Variants in ASPDH observed in about 807,000 individuals in gnomAD.
ASPDH encodes the protein aspartate dehydrogenase domain-containing protein.
In ASPDH, 25 loss-of-function variants were observed where a neutral mutation model predicts 30.5. That is an observed-to-expected ratio of 0.82 (90% CI 0.60 to 1.14). The LOEUF is 1.14. ASPDH is among the 50% of genes most tolerant of loss of function. ASPDH has a pLI of 0.00. For missense variants in ASPDH, 401 were observed against 381.5 expected (o/e 1.05, Z -0.43); for synonymous variants, 168 against 156.3 (o/e 1.07, Z -0.56).
rs562578195 is a variant in ASPDH, at chr19:50,513,215, A to G, written c.197+57T>C. 3 of 1,418,926 alleles carry G rather than the reference A, an allele frequency of 2.1e-6. No individual in the cohort carries two copies. Among genetic ancestry groups the G allele is most frequent in the Non-Finnish European group, 2.8e-6 (3 of 1,072,636 alleles). The allele number at this position is 1,418,926 out of a possible 1,614,324, so 87.9% of individuals were successfully genotyped here. On this transcript the variant is annotated intron_variant, in intron 2 of 6. Coordinates refer to ENST00000389208, the MANE Select transcript of ASPDH (RefSeq NM_001114598.2). The surrounding 1 kb of genome is among the most constrained non-coding windows in gnomAD (Gnocchi z 4.9). Reference sequence around the variant, plus strand: ...AACCCCTGAGATCACACAGTGGCTAAGAGAGCCAGGACAGGAGCTTCAGGG... The same window carrying G: ...AACCCCTGAGATCACACAGTGGCTAGGAGAGCCAGGACAGGAGCTTCAGGG...
At chr19:50,514,842 TGAC>T, upstream of ASPDH, 2 of 985,172 alleles carry the variant, frequency 2.0e-6, no homozygotes, top group Non-Finnish European at 2.4e-6. Flanking sequence ...AGCCCCAAGT[TGAC>T]GGGAGGAGAG....
Position 50,513,094 on chromosome 19 carries a change from G to A in ASPDH, c.198-83C>T. ...AAGGTTCCCTCCGAGTCTACTGAGG[G>A]CTGCCCTTCTTCTCCCTGACCTGGG... On this transcript the variant is annotated intron_variant, in intron 2 of 6. Transcript: ENST00000389208. The surrounding 1 kb of genome is among the most constrained non-coding windows in gnomAD (Gnocchi z 4.9). The A allele has an allele frequency of 7.5e-7, 1 of 1,341,648 alleles. No homozygotes were observed. Among genetic ancestry groups the A allele is most frequent in the Non-Finnish European group, 1.0e-6 (1 of 970,364 alleles). 83.1% of individuals were successfully genotyped at this position (1,341,648 alleles called of 1,614,324 possible). A position where few individuals can be genotyped will look rare whatever the true frequency, so the allele number is the denominator to read the frequency against.
rs1979993055 is a variant in ASPDH at position 50,512,437 on chromosome 19, G to A, written c.576C>T (p.Asn192=). The change falls in exon 5 of 7, where the codon AAC becomes AAT. Residue 192 remains asparagine (N), a synonymous_variant. Coordinates refer to ENST00000389208, the MANE Select transcript of ASPDH (RefSeq NM_001114598.2). ...GLCPFAPRNS[N]TMAAAALAAP... Reference sequence around the variant, plus strand: ...CAGCCAGGGCAGCCGCCGCCATGGTGTTGGAATTTCGCGGGGCAAAGGGGC... The same window carrying A: ...CAGCCAGGGCAGCCGCCGCCATGGTATTGGAATTTCGCGGGGCAAAGGGGC... 6.2e-7 allele frequency: 1 copy of A among 1,611,934 alleles called. No homozygotes were observed. The highest frequency in any genetic ancestry group is 2.2e-5 in the East Asian group (1 of 44,872).
rs1365224174 is a variant in ASPDH, at chr19:50,513,248, C to G, written c.197+24G>C. On this transcript the variant is annotated intron_variant, in intron 2 of 6. Coordinates refer to ENST00000389208, the MANE Select transcript of ASPDH (RefSeq NM_001114598.2). The surrounding 1 kb of genome is among the most constrained non-coding windows in gnomAD (Gnocchi z 4.9). Reference sequence around the variant, plus strand: ...AGGACAGGAGCTTCAGGGAGCTCCACTCTCCCATGGCAAGGTCACTGACCT... The same window carrying G: ...AGGACAGGAGCTTCAGGGAGCTCCAGTCTCCCATGGCAAGGTCACTGACCT... 3 of 1,448,334 alleles carry G rather than the reference C, an allele frequency of 2.1e-6. No individual in the cohort carries two copies. The highest frequency in any genetic ancestry group is 2.7e-6 in the Non-Finnish European group (3 of 1,096,520). 89.7% of individuals were successfully genotyped at this position (1,448,334 alleles called of 1,614,324 possible).
Position 50,512,760 on chromosome 19 carries a change from C to G in ASPDH, c.333G>C (p.Leu111Phe). The change falls in exon 4 of 7, where the codon TTG (leucine) becomes TTC (phenylalanine). Residue 111 changes from leucine to phenylalanine, a missense_variant. Physicochemically the swap from Leu to Phe is conservative, Grantham distance 22. Coordinates refer to ENST00000389208, the MANE Select transcript of ASPDH (RefSeq NM_001114598.2). ...CGTGGTCCCAGTGCTGTGAGGCCTC[C>G]AAGAGCTGCCGCTCTGTGGTCTGGT... Reference protein sequence around the residue: ...LSDQTTERQLLEASQHWDHAV... With the variant: ...LSDQTTERQLFEASQHWDHAV... 6.4e-7 allele frequency: 1 copy of G among 1,564,520 alleles called. No individual in the cohort carries two copies. Among genetic ancestry groups the G allele is most frequent in the Non-Finnish European group, 8.7e-7 (1 of 1,154,188 alleles).
Position 50,513,087 on chromosome 19 carries a change from A to C in ASPDH, c.198-76T>G, listed in dbSNP as rs1270574934. ...TCTCCCCAAGGTTCCCTCCGAGTCTACTGAGGGCTGCCCTTCTTCTCCCTG... is the reference window on the plus strand; with the variant it reads ...TCTCCCCAAGGTTCCCTCCGAGTCTCCTGAGGGCTGCCCTTCTTCTCCCTG... On this transcript the variant is annotated intron_variant, in intron 2 of 6. Transcript: ENST00000389208. This position sits in a 1 kb window ranked among gnomAD's most constrained non-coding sequence, Gnocchi z 4.9. 1 of 1,350,758 alleles carries C rather than the reference A, an allele frequency of 7.4e-7. No homozygotes were observed. The highest frequency in any genetic ancestry group is 2.1e-5 in the Admixed American group (1 of 47,504). 83.7% of individuals were successfully genotyped at this position (1,350,758 alleles called of 1,614,324 possible).
At chr19:50,512,068 G>A in intron 6 of ASPDH, 68 bp downstream of exon 6, 2 of 1,352,952 alleles carry the variant, frequency 1.5e-6, no homozygotes, top group Non-Finnish European at 2.0e-6. Flanking sequence ...GAACTAGTGA[G>A]AGCCCGGGAC....
chr19:50,514,555 G>A (rs756526634), upstream of ASPDH: 35 of 1,613,666 alleles, frequency 2.2e-5, no homozygotes, highest in Admixed American at 1.0e-4. Context: ...TCCCACGTCC[G>A]TCCCTCCCGT....
rs1260698440 is a variant in ASPDH at position 50,511,725 on chromosome 19, G to A, written c.*5C>T. ...ATGATCTTGTCTCGGGAGGGAGGAGGCTTCTCAGCAGAGATGGATCCCCGG... is the reference window on the plus strand; with the variant it reads ...ATGATCTTGTCTCGGGAGGGAGGAGACTTCTCAGCAGAGATGGATCCCCGG... On this transcript the variant is annotated 3_prime_UTR_variant, in exon 7 of 7. Transcript: ENST00000389208. The A allele has an allele frequency of 1.5e-6, 2 of 1,304,870 alleles. No individual in the cohort carries two copies. The highest frequency in any genetic ancestry group is 3.7e-5 in the Admixed American group (1 of 26,942). The allele number at this position is 1,304,870 out of a possible 1,614,324, so 80.8% of individuals were successfully genotyped here.
intron 6 of ASPDH, 113 bp from the exon 7 acceptor site, chr19:50,511,886 C>T: frequency 1.2e-6 from 1 of 807,684 alleles, no homozygotes; most frequent in Non-Finnish European, 1.8e-6. Context: ...GGAGGAAGAC[C>T]CGGAGAGAGC....
In ASPDH at chr19:50,513,471, CAG is replaced by C; in HGVS notation, c.53-57_53-56del. 3 of 1,435,682 alleles carry C rather than the reference CAG, an allele frequency of 2.1e-6. No individual in the cohort carries two copies. The highest frequency in any genetic ancestry group is 1.5e-5 in the African/African-American group (1 of 67,280). The allele number at this position is 1,435,682 out of a possible 1,614,324, so 88.9% of individuals were successfully genotyped here. On this transcript the variant is annotated intron_variant, in intron 1 of 6. Coordinates refer to ENST00000389208, the MANE Select transcript of ASPDH (RefSeq NM_001114598.2). This position sits in a 1 kb window ranked among gnomAD's most constrained non-coding sequence, Gnocchi z 4.9. ...ATCCAGAGAGAGGGGGACAGAGACC[CAG>C]AGAGAGAGGAGGTGGGGACAGAGAC... is the stretch of plus-strand genomic sequence containing the variant.
rs1348475110 is a variant in ASPDH at position 50,512,677 on chromosome 19, G to A, written c.416C>T (p.Ala139Val). ...AGGCCTCACCCGGAGGCCCCCAGCTGCATCCAATCTCCTGATGTCCTCAGC... is the reference window on the plus strand; with the variant it reads ...AGGCCTCACCCGGAGGCCCCCAGCTACATCCAATCTCCTGATGTCCTCAGC... ...WGAEDIRRLD[A>V]AGGLRSLRVT... Residue 139 changes from alanine (A) to valine (V), a missense_variant, in exon 4 of 7, where the codon GCA becomes GTA. By Grantham distance (64) the Ala-to-Val change is moderately conservative. Coordinates refer to ENST00000389208, the MANE Select transcript of ASPDH (RefSeq NM_001114598.2). 1.9e-6 allele frequency: 3 copies of A among 1,546,708 alleles called. No individual in the cohort carries two copies. The highest frequency in any genetic ancestry group is 4.0e-5 in the Admixed American group (2 of 49,892).
Position 50,513,236 on chromosome 19 carries a change from C to T in ASPDH, c.197+36G>A, listed in dbSNP as rs1040558954. ...GCTAAGAGAGCCAGGACAGGAGCTTCAGGGAGCTCCACTCTCCCATGGCAA... is the reference window on the plus strand; with the variant it reads ...GCTAAGAGAGCCAGGACAGGAGCTTTAGGGAGCTCCACTCTCCCATGGCAA... On this transcript the variant is annotated intron_variant, in intron 2 of 6. Coordinates refer to ENST00000389208, the MANE Select transcript of ASPDH (RefSeq NM_001114598.2). The surrounding 1 kb of genome is among the most constrained non-coding windows in gnomAD (Gnocchi z 4.9). The T allele has an allele frequency of 6.9e-7, 1 of 1,441,648 alleles. No homozygotes were observed. 89.3% of individuals were successfully genotyped at this position (1,441,648 alleles called of 1,614,324 possible). A position where few individuals can be genotyped will look rare whatever the true frequency, so the allele number is the denominator to read the frequency against.
chr19:50,514,812 G>C (rs939523286), upstream of ASPDH: 6 of 1,241,268 alleles, frequency 4.8e-6, no homozygotes, highest in Non-Finnish European at 6.2e-6. Flanking sequence ...GGGTGGGGGG[G>C]GCGGGCACTG....
In ASPDH at chr19:50,512,570, A is replaced by G. The variant is rs755110892; in HGVS notation, c.443T>C (p.Val148Ala). The change falls in exon 5 of 7, where the codon GTC becomes GCC. Residue 148 changes from valine to alanine, a missense_variant. Transcript: ENST00000389208. ...GCCATCGGGGTGTGTGGCCATGGTG[A>G]CACGAAGGCTCTGGAAGCAAGAGCC... ...DAAGGLRSLRVTMATHPDGFR... is the reference protein window; with the variant it reads ...DAAGGLRSLRATMATHPDGFR... 1 of 1,529,124 alleles carries G rather than the reference A, an allele frequency of 6.5e-7. No individual in the cohort carries two copies. The highest frequency in any genetic ancestry group is 2.2e-5 in the Admixed American group (1 of 46,228). The allele number at this position is 1,529,124 out of a possible 1,614,324, so 94.7% of individuals were successfully genotyped here. A position where few individuals can be genotyped will look rare whatever the true frequency, so the allele number is the denominator to read the frequency against.
In ASPDH at chr19:50,513,112, G is replaced by A; in HGVS notation, c.198-101C>T. On this transcript the variant is annotated intron_variant, in intron 2 of 6. Transcript: ENST00000389208. The surrounding 1 kb of genome is among the most constrained non-coding windows in gnomAD (Gnocchi z 4.9). ...ACTGAGGGCTGCCCTTCTTCTCCCT[G>A]ACCTGGGAGGCGAAATGAGATGAAT... is the stretch of plus-strand genomic sequence containing the variant. The A allele has an allele frequency of 7.7e-7, 1 of 1,298,512 alleles. No individual in the cohort carries two copies. Among genetic ancestry groups the A allele is most frequent in the Non-Finnish European group, 1.1e-6 (1 of 938,240 alleles). The allele number at this position is 1,298,512 out of a possible 1,614,324, so 80.4% of individuals were successfully genotyped here.
Position 50,513,492 on chromosome 19 carries a change from C to T in ASPDH, c.53-76G>A. On this transcript the variant is annotated intron_variant, in intron 1 of 6. Transcript: ENST00000389208. This position sits in a 1 kb window ranked among gnomAD's most constrained non-coding sequence, Gnocchi z 4.9. The stretch of plus-strand genomic sequence containing the variant: ...GACCCAGAGAGAGAGGAGGTGGGGA[C>T]AGAGACCCAGAGAGAGAGGAGGTGG... 7.2e-7 allele frequency: 1 copy of T among 1,380,618 alleles called. No individual in the cohort carries two copies. The highest frequency in any genetic ancestry group is 9.6e-7 in the Non-Finnish European group (1 of 1,041,312). The allele number at this position is 1,380,618 out of a possible 1,614,324, so 85.5% of individuals were successfully genotyped here.
chr19:50,514,506 C>G (rs1568710069), upstream of ASPDH: 2 of 1,614,052 alleles, frequency 1.2e-6, no homozygotes, highest in Non-Finnish European at 1.7e-6. Flanking sequence ...ACTCTGTCCC[C>G]CATCGTGCCA....
chr19:50,511,872 C>T (rs1834785170), intron 6 of ASPDH, 99 bp from the exon 7 acceptor site: 3 of 718,188 alleles, frequency 4.2e-6, no homozygotes, highest in South Asian at 2.5e-5. Flanking sequence ...GGCAGGGGGG[C>T]GGTGGAGGAA....
Sources: gnomAD v4.1 joint callset for allele counts on GRCh38, gnomAD v4.1.1 for gene constraint, Gnocchi (gnomAD v3.1) non-coding constraint, MANE v1.5 for transcripts, NCBI Gene and HGNC (gene_info 2026-07-23, HGNC 2026-07-21) for gene names.